The following IMMP2L variants were observed in gnomAD, a reference collection of about 807,000 sequenced individuals.
The protein encoded by IMMP2L is inner mitochondrial membrane peptidase subunit 2, also known as mitochondrial inner membrane protease subunit 2.
A neutral mutation model predicts 19.3 loss-of-function variants in IMMP2L; 18 were observed. That is an observed-to-expected ratio of 0.93 (90% CI 0.64 to 1.38). IMMP2L has a LOEUF of 1.38. Ranked by LOEUF, IMMP2L falls within the 40% of genes most tolerant of loss-of-function variation. The probability of loss-of-function intolerance (pLI) is 0.00; values close to 1 mark genes in which losing one functional copy is unlikely to be tolerated. For synonymous variants in IMMP2L, 76 were observed against 73.0 expected (o/e 1.04, Z -0.21); for missense variants, 233 against 218.2 (o/e 1.07, Z -0.43).
chr7:111,259,743 A>G (rs572164776), intron 3 of IMMP2L, among the ~76,000 whole-genome samples: 1 of 150,950 alleles, frequency 6.6e-6, no homozygotes, highest in African/African-American at 2.4e-5. Flanking sequence ...TTGTAATAAC[A>G]CAGCTTAAAA....
intron 5 of IMMP2L, among the ~76,000 whole-genome samples, chr7:110,831,521 G>A (rs543188781): frequency 1.6e-4 from 24 of 152,182 alleles, no homozygotes; most frequent in African/African-American, 4.8e-4. Flanking sequence ...CCTTTCAAAC[G>A]TATCTTGTTA....
intron 3 of IMMP2L, among the ~76,000 whole-genome samples, chr7:111,003,832 A>G (rs1823993849): frequency 6.6e-6 from 1 of 152,146 alleles, no homozygotes; most frequent in Non-Finnish European, 1.5e-5. Flanking sequence ...CATTAATTCC[A>G]AATCCAGTGT....
intron 3 of IMMP2L, among the ~76,000 whole-genome samples, chr7:111,451,937 AT>A (rs1490831122): frequency 1.3e-5 from 2 of 152,268 alleles, no homozygotes; most frequent in Non-Finnish European, 2.9e-5. Flanking sequence ...GTCATAGGGA[AT>A]AAAAAATTAA....
chr7:110,753,119 T>G (rs1261132564), intron 5 of IMMP2L, among the ~76,000 whole-genome samples: 1 of 152,038 alleles, frequency 6.6e-6, no homozygotes, highest in Non-Finnish European at 1.5e-5. Flanking sequence ...GAGCAGAAGG[T>G]AAGGAGAATG....
intron 4 of IMMP2L, among the ~76,000 whole-genome samples, chr7:110,905,122 T>G (rs531144519): frequency 1.6e-4 from 24 of 152,308 alleles, no homozygotes; most frequent in Non-Finnish European, 3.2e-4. Context: ...TATCTATTAC[T>G]GATGGGACTT....
intron 4 of IMMP2L, among the ~76,000 whole-genome samples, chr7:110,915,387 C>G (rs1045877101): frequency 6.8e-6 from 1 of 146,762 alleles, no homozygotes; most frequent in Non-Finnish European, 1.5e-5. Flanking sequence ...TGTGTAATAT[C>G]ACTTATGTGT....
chr7:110,766,241 C>A (rs969625686), intron 5 of IMMP2L, among the ~76,000 whole-genome samples: 2 of 152,064 alleles, frequency 1.3e-5, no homozygotes, highest in African/African-American at 4.8e-5. Context: ...ATTTCTGGCT[C>A]TTAATAAACT....
intron 3 of IMMP2L, among the ~76,000 whole-genome samples, chr7:111,096,335 T>C (rs928204336): frequency 2.0e-5 from 3 of 151,870 alleles, no homozygotes; most frequent in Non-Finnish European, 4.4e-5. Flanking sequence ...CTGGCATTTC[T>C]GAAGTTAGTA....
intron 5 of IMMP2L, among the ~76,000 whole-genome samples, chr7:110,771,743 A>C (rs1319705535): frequency 6.6e-6 from 1 of 152,184 alleles, no homozygotes; most frequent in Non-Finnish European, 1.5e-5. Context: ...TATAACACAG[A>C]ATATATGCCA....
At chr7:111,546,844 C>T (rs761481949) in intron 1 of IMMP2L, among the ~76,000 whole-genome samples, 9 of 152,054 alleles carry the variant, frequency 5.9e-5, no homozygotes, top group Non-Finnish European at 1.0e-4. Flanking sequence ...ATAGAGGCCA[C>T]TAAACATTTA....
intron 3 of IMMP2L, among the ~76,000 whole-genome samples, chr7:111,476,280 T>C (rs930608526): frequency 5.3e-5 from 8 of 152,172 alleles, no homozygotes; most frequent in African/African-American, 1.9e-4. Context: ...GGCTTTCAGA[T>C]TTGTTTCACA....
intron 3 of IMMP2L, among the ~76,000 whole-genome samples, chr7:111,473,244 G>A (rs1165985900): frequency 1.3e-5 from 2 of 152,052 alleles, no homozygotes; most frequent in African/African-American, 4.8e-5. Context: ...GCTTTCCATG[G>A]CGATCTGCAT....
chr7:111,235,557 C>G (rs754840831), intron 3 of IMMP2L, among the ~76,000 whole-genome samples: 1 of 151,250 alleles, frequency 6.6e-6, no homozygotes, highest in African/African-American at 2.4e-5. Flanking sequence ...TGCACTGTTT[C>G]CAAAGCAAAG....
chr7:111,013,824 AT>A (rs1007811818), intron 3 of IMMP2L, among the ~76,000 whole-genome samples: 96 of 149,474 alleles, frequency 6.4e-4, no homozygotes, highest in African/African-American at 1.9e-3. Flanking sequence ...TAGACTGCTT[AT>A]TTTTTTTTTC....
At chr7:111,256,627 G>C (rs1587076959) in intron 3 of IMMP2L, among the ~76,000 whole-genome samples, 1 of 151,950 alleles carries the variant, frequency 6.6e-6, no homozygotes, top group Admixed American at 6.6e-5. Context: ...ATTGTTCATA[G>C]AGGACCATGC....
intron 3 of IMMP2L, among the ~76,000 whole-genome samples, chr7:111,086,278 A>AT (rs1796325647): frequency 6.7e-6 from 1 of 150,084 alleles, no homozygotes. Flanking sequence ...AAAAAAAAAA[A>AT]GAAAAAGAAA....
intron 3 of IMMP2L, among the ~76,000 whole-genome samples, chr7:111,044,938 C>T (rs1404423188): frequency 1.3e-5 from 2 of 151,920 alleles, no homozygotes; most frequent in Non-Finnish European, 2.9e-5. Flanking sequence ...CTTAAGGCAG[C>T]TAACAGAGCT....
intron 3 of IMMP2L, among the ~76,000 whole-genome samples, chr7:111,120,511 G>A (rs1320157932): frequency 6.6e-6 from 1 of 152,116 alleles, no homozygotes; most frequent in African/African-American, 2.4e-5. Flanking sequence ...AATTATCGGA[G>A]CTACAATTCA....
intron 3 of IMMP2L, among the ~76,000 whole-genome samples, chr7:111,476,138 A>G (rs1585259773): frequency 6.6e-6 from 1 of 152,236 alleles, no homozygotes; most frequent in East Asian, 1.9e-4. Flanking sequence ...AGATGATGCA[A>G]TTGATCCAAG....
Sources: gnomAD v4.1 joint callset for allele counts (sites outside exome capture counted in the v4.1 genomes callset) on GRCh38, gnomAD v4.1.1 for gene constraint, MANE v1.5 for transcripts, NCBI Gene and HGNC (gene_info 2026-07-23, HGNC 2026-07-21) for gene names.